Variants in USP53 observed in about 807,000 individuals in gnomAD.
USP53 encodes ubiquitin specific peptidase 53.
A neutral mutation model predicts 94.9 loss-of-function variants in USP53; 71 were observed. The observed-to-expected ratio is 0.75, with a 90% confidence interval of 0.62 to 0.91. USP53 has a LOEUF of 0.91. Ranked by LOEUF, USP53 falls within the 40% of genes least tolerant of loss-of-function variation. The pLI is 0.00. For synonymous variants in USP53, 375 were observed against 422.7 expected (o/e 0.89, Z 1.39); for missense variants, 1,173 against 1,281.0 (o/e 0.92, Z 1.29).
intron 6 of USP53, among the ~76,000 whole-genome samples, chr4:119,245,846 T>C (rs1748161116): frequency 6.6e-6 from 1 of 152,172 alleles, no homozygotes; most frequent in South Asian, 2.1e-4. Context: ...CAAAATATTA[T>C]AGAGTATGTT....
intron 16 of USP53, chr4:119,272,947 G>C (rs1194902205): frequency 6.6e-6 from 1 of 152,120 alleles, no homozygotes; most frequent in Non-Finnish European, 1.5e-5. Flanking sequence ...GACCACATTT[G>C]TTATTAAAAG....
chr4:119,240,000 ATAGAC>A (rs1431721875), intron 5 of USP53, 97 bp downstream of exon 5: 1 of 1,177,294 alleles, frequency 8.5e-7, no homozygotes, highest in Non-Finnish European at 1.1e-6. Flanking sequence ...TAAAGTTACT[ATAGAC>A]TAGAATGACT....
chr4:119,251,361 A>G (rs2149357874), intron 7 of USP53, among the ~76,000 whole-genome samples: 1 of 152,316 alleles, frequency 6.6e-6, no homozygotes, highest in East Asian at 1.9e-4. Flanking sequence ...GCCACAATAA[A>G]CATACCTGTG....
chr4:119,268,367 A>G lies in USP53; in HGVS notation c.1235A>G (p.Asn412Ser), dbSNP rs1481143229. 2 of 1,614,044 alleles carry G rather than the reference A, an allele frequency of 1.2e-6. No homozygotes were observed. Among genetic ancestry groups the G allele is most frequent in the South Asian group, 2.2e-5 (2 of 91,086 alleles). ...GAAAATCAGAAATTTCCAACTGATA[A>G]TATTTCATCATCTAATCGGAGCCAC... is the stretch of plus-strand genomic sequence containing the variant. ...QRENQKFPTDNISSSNRSHSH... is the reference protein window; with the variant it reads ...QRENQKFPTDSISSSNRSHSH... Residue 412 changes from asparagine (N) to serine (S), a missense_variant, in exon 14 of 19, where the codon AAT becomes AGT. By Grantham distance (46) the Asn-to-Ser change is conservative. Coordinates refer to ENST00000692078, the MANE Select transcript of USP53 (RefSeq NM_001371395.1).
rs1754899577 is a variant in USP53 at position 119,292,706 on chromosome 4, G to C, written c.2717G>C (p.Arg906Thr). Residue 906 changes from arginine (R) to threonine (T), a missense_variant, in exon 19 of 19, where the codon AGA (arginine) becomes ACA (threonine). Coordinates refer to ENST00000692078, the MANE Select transcript of USP53 (RefSeq NM_001371395.1). ...STECIIRSASRSDGCQMPKLF... is the reference protein window; with the variant it reads ...STECIIRSASTSDGCQMPKLF... ...GAATGTATAATTCGGTCAGCCAGCAGATCTGATGGGTGTCAGATGCCAAAA... is the reference window on the plus strand; with the variant it reads ...GAATGTATAATTCGGTCAGCCAGCACATCTGATGGGTGTCAGATGCCAAAA... 3 of 1,614,062 alleles carry C rather than the reference G, an allele frequency of 1.9e-6. No homozygotes were observed. The highest frequency in any genetic ancestry group is 2.2e-5 in the East Asian group (1 of 44,878).
intron 7 of USP53, among the ~76,000 whole-genome samples, chr4:119,249,927 G>C (rs2149353548): frequency 6.6e-6 from 1 of 152,170 alleles, no homozygotes; most frequent in African/African-American, 2.4e-5. Context: ...GCCTCCCAAA[G>C]TGCTGGGATT....
intron 6 of USP53, among the ~76,000 whole-genome samples, chr4:119,246,472 G>T (rs114856557): frequency 0.014 from 2,121 of 152,314 alleles, 31 homozygotes; most frequent in Non-Finnish European, 0.025. Context: ...GCGACCCTCA[G>T]ATATTCCAGG....
intron 7 of USP53, among the ~76,000 whole-genome samples, chr4:119,255,920 A>T (rs561442992): frequency 2.4e-4 from 36 of 152,320 alleles, no homozygotes; most frequent in Admixed American, 1.8e-3. Flanking sequence ...TCATTTGAGA[A>T]TGTTGGGAAC....
chr4:119,292,309 C>A (rs1047849567), intron 18 of USP53, 29 bp from the exon 19 acceptor site: 6 of 1,534,070 alleles, frequency 3.9e-6, no homozygotes, highest in African/African-American at 1.4e-5. Context: ...ATAGGGTGTT[C>A]TAGCTTTGTT....
At chr4:119,244,820 C>A (rs1311171961) in intron 5 of USP53, among the ~76,000 whole-genome samples, 3 of 152,120 alleles carry the variant, frequency 2.0e-5, no homozygotes, top group Non-Finnish European at 4.4e-5. Context: ...TGCTGTACCC[C>A]CATTACCACA....
chr4:119,292,324 TTTTC>T lies in USP53; in HGVS notation c.2349-13_2349-10del. 1 of 1,550,156 alleles carries T rather than the reference TTTTC, an allele frequency of 6.5e-7. No homozygotes were observed. Among genetic ancestry groups the T allele is most frequent in the South Asian group, 1.3e-5 (1 of 79,462 alleles). On this transcript the variant is annotated splice_polypyrimidine_tract_variant and intron_variant, in intron 18 of 18. Coordinates refer to ENST00000692078, the MANE Select transcript of USP53 (RefSeq NM_001371395.1). ...ATAGGGTGTTCTAGCTTTGTTTTTA[TTTTC>T]ATATTTCAGATCACATGTACATGAA...
chr4:119,254,930 G>A (rs1749550093), intron 7 of USP53, among the ~76,000 whole-genome samples: 1 of 152,144 alleles, frequency 6.6e-6, no homozygotes, highest in Non-Finnish European at 1.5e-5. Flanking sequence ...TTTTGTTGAT[G>A]TTGATGCTAT....
intron 16 of USP53, 28 bp from the exon 17 acceptor site, chr4:119,273,604 T>G: frequency 3.2e-6 from 5 of 1,569,482 alleles, no homozygotes; most frequent in Non-Finnish European, 4.4e-6. Context: ...TAATACCTGA[T>G]GTGTTTAGTG....
intron 7 of USP53, among the ~76,000 whole-genome samples, chr4:119,250,300 A>G (rs1366109226): frequency 2.0e-5 from 3 of 152,206 alleles, no homozygotes; most frequent in Non-Finnish European, 4.4e-5. Flanking sequence ...TGCCTACCAG[A>G]TAACACATGA....
intron 11 of USP53, 122 bp from the exon 12 acceptor site, chr4:119,261,593 T>C (rs987492870): frequency 1.5e-6 from 1 of 656,102 alleles, no homozygotes; most frequent in Non-Finnish European, 2.3e-6. Flanking sequence ...TAATATAATA[T>C]TAGATTGGGG....
At chr4:119,254,091 TTAGTC>T (rs1361295306) in intron 7 of USP53, among the ~76,000 whole-genome samples, 1 of 152,198 alleles carries the variant, frequency 6.6e-6, no homozygotes, top group East Asian at 1.9e-4. Context: ...AAATCCACCG[TTAGTC>T]TGATGGGCTT....
rs370022443 is a variant in USP53, at chr4:119,292,865, C to A, written c.2876C>A (p.Pro959Gln). 6.2e-7 allele frequency: 1 copy of A among 1,614,018 alleles called. No individual in the cohort carries two copies. The highest frequency in any genetic ancestry group is 2.2e-5 in the East Asian group (1 of 44,880). Residue 959 changes from proline (P) to glutamine (Q), a missense_variant, in exon 19 of 19, where the codon CCG becomes CAG. Pro to Gln is a moderately conservative substitution (Grantham distance 76). Transcript: ENST00000692078. ...GTGTTTAAAGCTACCTCTCATCTTC[C>A]GAAGCACAGTTTAAGTACAGCTTCA... is the stretch of plus-strand genomic sequence containing the variant. ...TEVFKATSHL[P>Q]KHSLSTASEP...
At chr4:119,282,961 A>G (rs1423377562) in intron 17 of USP53, among the ~76,000 whole-genome samples, 2 of 151,966 alleles carry the variant, frequency 1.3e-5, no homozygotes, top group Non-Finnish European at 2.9e-5. Flanking sequence ...TCAATTTTTA[A>G]TATTAGTCTA....
chr4:119,239,831 A>G lies in USP53; in HGVS notation c.72A>G (p.Leu24=), dbSNP rs780407501. The change falls in exon 5 of 19, where the codon CTA becomes CTG. Residue 24 remains leucine, a synonymous_variant. Coordinates refer to ENST00000692078, the MANE Select transcript of USP53 (RefSeq NM_001371395.1). The part of the protein sequence containing the change: ...LGKVYQPGSM[L]SLAPTKGLLN... ...AAGTTTATCAGCCTGGAAGTATGCT[A>G]TCACTAGCCCCTACCAAAGGCTTGT... The G allele has an allele frequency of 6.2e-7, 1 of 1,613,360 alleles. No homozygotes were observed.
Sources: allele counts gnomAD v4.1 joint callset (sites outside exome capture counted in the v4.1 genomes callset), GRCh38; gene constraint gnomAD v4.1.1; transcripts MANE v1.5; gene names NCBI Gene and HGNC (gene_info 2026-07-23, HGNC 2026-07-21).